ERBB2: variants seen among roughly 807,000 people sequenced by gnomAD.
The protein encoded by ERBB2 is receptor tyrosine-protein kinase erbB-2.
In ERBB2, 61 loss-of-function variants were observed where a neutral mutation model predicts 149.0. The observed-to-expected ratio is 0.41, with a 90% CI of 0.33 to 0.51. The LOEUF is 0.51. ERBB2 is among the 20% of genes least tolerant of loss of function. The pLI is 0.25. For synonymous variants in ERBB2, 633 were observed against 678.8 expected (o/e 0.93, Z 1.05); for missense variants, 1,205 against 1,655.1 (o/e 0.73, Z 4.72).
intron 1 of ERBB2, among the ~76,000 whole-genome samples, chr17:39,704,280 A>G (rs918033333): frequency 6.6e-6 from 1 of 152,168 alleles, no homozygotes; most frequent in Admixed American, 6.5e-5. Context: ...CCTACCCCCC[A>G]GGAAATCAAC....
At chr17:39,699,674 G>T, upstream of ERBB2, 4 of 889,954 alleles carry the variant, frequency 4.5e-6, no homozygotes, top group South Asian at 5.7e-5. Flanking sequence ...AAACAAATAG[G>T]CTTGGGATGG....
At position 39,717,790 on chromosome 17, in the gene ERBB2, A is replaced by AACACACAC. The variant is rs67643218; in HGVS notation, c.1898+334_1898+341dup. On this transcript the variant is annotated intron_variant, in intron 15 of 26. Transcript: ENST00000269571. ...AGTTATTTTTATCTGTGCACATTTT[A>AACACACAC]ACACACACACACACACACACACACA... The AACACACAC allele has an allele frequency of 5.0e-3, 860 of 172,010 alleles. 4 individuals are homozygous for AACACACAC. Among genetic ancestry groups the AACACACAC allele is most frequent in the African/African-American group, 0.019 (749 of 40,050 alleles). 10.7% of individuals were successfully genotyped at this position (172,010 alleles called of 1,614,324 possible).
Position 39,725,467 on chromosome 17 carries a change from G to A in ERBB2, c.2725+65G>A, listed in dbSNP as rs569895431. 6.6e-7 allele frequency: 1 copy of A among 1,525,200 alleles called. No homozygotes were observed. Among genetic ancestry groups the A allele is most frequent in the Non-Finnish European group, 9.1e-7 (1 of 1,102,690 alleles). 94.5% of individuals were successfully genotyped at this position (1,525,200 alleles called of 1,614,324 possible). ...CATGGCTGGAGGGAGGATGAGAGCT[G>A]GGATGGGGAGAATTACGGGGCCACC... On this transcript the variant is annotated intron_variant, in intron 22 of 26. Transcript: ENST00000269571. The surrounding 1 kb of genome is among the most constrained non-coding windows in gnomAD (Gnocchi z 4.6).
At chr17:39,689,158 C>A (rs2057635369) in intron 2 of ERBB2, among the ~76,000 whole-genome samples, 3 of 152,180 alleles carry the variant, frequency 2.0e-5, no homozygotes, top group Admixed American at 2.0e-4. Flanking sequence ...TCCATTCACT[C>A]ACTTAACAAA....
Position 39,723,507 on chromosome 17 carries a change from C to G in ERBB2, c.2086-31C>G, listed in dbSNP as rs761115791. 1 of 1,613,506 alleles carries G rather than the reference C, an allele frequency of 6.2e-7. No individual in the cohort carries two copies. Among genetic ancestry groups the G allele is most frequent in the Admixed American group, 1.7e-5 (1 of 59,962 alleles). On this transcript the variant is annotated intron_variant, in intron 17 of 26. Coordinates refer to ENST00000269571, the MANE Select transcript of ERBB2 (RefSeq NM_004448.4). The surrounding 1 kb of genome is among the most constrained non-coding windows in gnomAD (Gnocchi z 6.2). ...GCCCGCGTGGGGTCTGCACCGGCCC[C>G]CGGCACTGACCCACCACCCCCTCAC...
At chr17:39,701,454 G>A (rs770598789) in intron 1 of ERBB2, among the ~76,000 whole-genome samples, 3 of 152,060 alleles carry the variant, frequency 2.0e-5, no homozygotes, top group African/African-American at 7.2e-5. Context: ...GAGCAATGAG[G>A]GACACTGCTC....
Position 39,725,096 on chromosome 17 carries a change from C to T in ERBB2, c.2541C>T (p.Ala847=), listed in dbSNP as rs140231769. 768 of 1,614,108 alleles carry T rather than the reference C, an allele frequency of 4.8e-4. No individual in the cohort carries two copies. The highest frequency in any genetic ancestry group is 7.5e-4 in the Admixed American group (45 of 60,018). Reference sequence around the variant, plus strand: ...TGCGGCTCGTACACAGGGACTTGGCCGCTCGGAACGTGCTGGTCAAGAGTC... The same window carrying T: ...TGCGGCTCGTACACAGGGACTTGGCTGCTCGGAACGTGCTGGTCAAGAGTC... ...EDVRLVHRDL[A]ARNVLVKSPN... Residue 847 remains alanine (A), a synonymous_variant, in exon 21 of 27, where the codon GCC becomes GCT. Transcript: ENST00000269571. The surrounding 1 kb of genome is among the most constrained non-coding windows in gnomAD (Gnocchi z 4.6).
At position 39,725,563 on chromosome 17, in the gene ERBB2, G is replaced by T; in HGVS notation, c.2726-144G>T. On this transcript the variant is annotated intron_variant, in intron 22 of 26. Coordinates refer to ENST00000269571, the MANE Select transcript of ERBB2 (RefSeq NM_004448.4). This position sits in a 1 kb window ranked among gnomAD's most constrained non-coding sequence, Gnocchi z 4.6. ...AGGGTCTGTGCACTTCCCAGGATTA[G>T]GGAAAGACCGGGTAGGGTCTGTCTC... 8.3e-7 allele frequency: 1 copy of T among 1,200,550 alleles called. No homozygotes were observed. The highest frequency in any genetic ancestry group is 1.2e-6 in the Non-Finnish European group (1 of 848,094). 74.4% of individuals were successfully genotyped at this position (1,200,550 alleles called of 1,614,324 possible).
intron 2 of ERBB2, 156 bp from the exon 3 acceptor site, chr17:39,708,165 A>G: frequency 1.7e-6 from 1 of 588,052 alleles, no homozygotes; most frequent in Non-Finnish European, 3.0e-6. Flanking sequence ...GTAGGGCGTG[A>G]TCTTTATCTC....
intron 16 of ERBB2, among the ~76,000 whole-genome samples, chr17:39,721,877 T>TA (rs2059472597): frequency 6.6e-6 from 1 of 152,222 alleles, no homozygotes; most frequent in South Asian, 2.1e-4. Context: ...TGAATACCCA[T>TA]ACAGCCATTC....
chr17:39,702,551 G>A lies in ERBB2; in HGVS notation c.73+2240G>A, dbSNP rs560736724. Among the ~76,000 whole-genome samples, 4 of 152,110 alleles carry A rather than the reference G, an allele frequency of 2.6e-5. No homozygotes were observed. The South Asian group carries it at 8.3e-4, about 32-fold the overall frequency. On this transcript the variant is annotated intron_variant, in intron 1 of 26. Coordinates refer to ENST00000269571, the MANE Select transcript of ERBB2 (RefSeq NM_004448.4). The stretch of plus-strand genomic sequence containing the variant: ...AGCCTCCTCTCTTTACTATACTTGG[G>A]GAAAGTACTCATTTTATTTGTCAAG...
At position 39,727,894 on chromosome 17, in the gene ERBB2, G is replaced by A. The variant is rs1356633666; in HGVS notation, c.3618G>A (p.Gln1206=). Residue 1206 remains glutamine (Q), a synonymous_variant, in exon 27 of 27, where the codon CAG becomes CAA. Transcript: ENST00000269571. The surrounding 1 kb of genome is among the most constrained non-coding windows in gnomAD (Gnocchi z 4.3). ...CACCCCAGGGAGGAGCTGCCCCTCA[G>A]CCCCACCCTCCTCCTGCCTTCAGCC... ...YLTPQGGAAP[Q]PHPPPAFSPA... The A allele has an allele frequency of 6.2e-7, 1 of 1,614,152 alleles. No individual in the cohort carries two copies. The highest frequency in any genetic ancestry group is 1.3e-5 in the African/African-American group (1 of 75,036).
chr17:39,725,564 G>A lies in ERBB2; in HGVS notation c.2726-143G>A, dbSNP rs2059709164. 1 of 1,205,732 alleles carries A rather than the reference G, an allele frequency of 8.3e-7. No individual in the cohort carries two copies. The highest frequency in any genetic ancestry group is 1.5e-5 in the African/African-American group (1 of 66,224). 74.7% of individuals were successfully genotyped at this position (1,205,732 alleles called of 1,614,324 possible). On this transcript the variant is annotated intron_variant, in intron 22 of 26. Coordinates refer to ENST00000269571, the MANE Select transcript of ERBB2 (RefSeq NM_004448.4). The surrounding 1 kb of genome is among the most constrained non-coding windows in gnomAD (Gnocchi z 4.6). ...GGGTCTGTGCACTTCCCAGGATTAG[G>A]GAAAGACCGGGTAGGGTCTGTCTCC...
intron 15 of ERBB2, among the ~76,000 whole-genome samples, chr17:39,719,066 G>T (rs1262032084): frequency 2.0e-5 from 3 of 151,972 alleles, no homozygotes; most frequent in Non-Finnish European, 4.4e-5. Flanking sequence ...TTCAAGACCA[G>T]CCTGGCCAAC....
In ERBB2 at chr17:39,700,111, C is replaced by T. The variant is rs2057992777; in HGVS notation, c.-128C>T. On this transcript the variant is annotated 5_prime_UTR_variant, in exon 1 of 27. Transcript: ENST00000269571. ...ACCAGGGGAGCCCCCCGGGCAGCCG[C>T]GCGCCCCTTCCCACGGGGCCCTTTA... is the stretch of plus-strand genomic sequence containing the variant. 7.8e-7 allele frequency: 1 copy of T among 1,287,976 alleles called. No individual in the cohort carries two copies. Among genetic ancestry groups the T allele is most frequent in the Non-Finnish European group, 9.8e-7 (1 of 1,021,394 alleles). The allele number at this position is 1,287,976 out of a possible 1,614,324, so 79.8% of individuals were successfully genotyped here.
In ERBB2 at chr17:39,717,314, C is replaced by T. The variant is rs770928147; in HGVS notation, c.1738-6C>T. The T allele has an allele frequency of 1.2e-6, 2 of 1,600,968 alleles. No homozygotes were observed. Among genetic ancestry groups the T allele is most frequent in the Non-Finnish European group, 1.7e-6 (2 of 1,172,402 alleles). On this transcript the variant is annotated splice_polypyrimidine_tract_variant and splice_region_variant and intron_variant, in intron 14 of 26. Coordinates refer to ENST00000269571, the MANE Select transcript of ERBB2 (RefSeq NM_004448.4). ...GCCCCCCACAAATCTTTTCTGCCCC[C>T]CCCAGGAGGCTGACCAGTGTGTGGC...
exon 2 of ERBB2, chr17:39,688,750 C>T (rs2057622113): frequency 6.6e-6 from 1 of 152,338 alleles, no homozygotes; most frequent in Non-Finnish European, 1.5e-5. Context: ...CGGGGTAGAA[C>T]CTTTGCTGTC....
At position 39,727,648 on chromosome 17, in the gene ERBB2, G is replaced by A. The variant is rs755006466; in HGVS notation, c.3413-41G>A. ...GCAGAGGGAGTGGCAGAGACACCGG[G>A]GTTCCTTCCCCTAATGGGTCACCTT... is the stretch of plus-strand genomic sequence containing the variant. On this transcript the variant is annotated intron_variant, in intron 26 of 26. Coordinates refer to ENST00000269571, the MANE Select transcript of ERBB2 (RefSeq NM_004448.4). This position sits in a 1 kb window ranked among gnomAD's most constrained non-coding sequence, Gnocchi z 4.3. 1 of 1,548,244 alleles carries A rather than the reference G, an allele frequency of 6.5e-7. No individual in the cohort carries two copies.
Position 39,727,204 on chromosome 17 carries a change from T to C in ERBB2, c.3160-91T>C. On this transcript the variant is annotated intron_variant, in intron 25 of 26. Coordinates refer to ENST00000269571, the MANE Select transcript of ERBB2 (RefSeq NM_004448.4). This position sits in a 1 kb window ranked among gnomAD's most constrained non-coding sequence, Gnocchi z 4.3. ...TGTGTCATACCCCAAAGGTGACCTCTGTTTTTCTCCTGTGACCCTGTCACC... is the reference window on the plus strand; with the variant it reads ...TGTGTCATACCCCAAAGGTGACCTCCGTTTTTCTCCTGTGACCCTGTCACC... 5 of 1,493,264 alleles carry C rather than the reference T, an allele frequency of 3.3e-6. No homozygotes were observed. The highest frequency in any genetic ancestry group is 2.7e-6 in the Non-Finnish European group (3 of 1,091,150). 92.5% of individuals were successfully genotyped at this position (1,493,264 alleles called of 1,614,324 possible).
Sources: allele counts gnomAD v4.1 joint callset (sites outside exome capture counted in the v4.1 genomes callset), GRCh38; gene constraint gnomAD v4.1.1; non-coding constraint Gnocchi (gnomAD v3.1); transcripts MANE v1.5; gene names NCBI Gene and HGNC (gene_info 2026-07-23, HGNC 2026-07-21).